Variants in EPHA6 observed in about 807,000 individuals in gnomAD.
The protein encoded by EPHA6 is EPH receptor A6.
In EPHA6, 50 loss-of-function variants were observed where a neutral mutation model predicts 112.0. The ratio of observed to expected loss-of-function variants is 0.45; its 90% CI spans 0.36 to 0.56. The LOEUF (loss-of-function observed/expected upper bound fraction) is 0.56. Among genes scored for constraint, EPHA6 ranks in the 20% least tolerant of loss-of-function variants. The probability of loss-of-function intolerance (pLI) is 0.00; values close to 1 mark genes in which losing one functional copy is unlikely to be tolerated. For synonymous variants in EPHA6, 529 were observed against 490.7 expected, an observed-to-expected ratio of 1.08 and a Z score of -1.03; for missense variants, 1,280 against 1,417.4, an observed-to-expected ratio of 0.90 and a Z score of 1.56.
At chr3:97,190,713 A>T (rs2077278485) in intron 3 of EPHA6, among the ~76,000 whole-genome samples, 2 of 151,980 alleles carry the variant, frequency 1.3e-5, no homozygotes, top group South Asian at 4.1e-4. Context: ...TCACATACTT[A>T]TTTTTTGTGG....
rs545924728 is a variant in EPHA6 at position 97,179,916 on chromosome 3, G to C, written c.1115-46348G>C. Among the ~76,000 whole-genome samples the C allele has an allele frequency of 6.6e-5, 10 of 152,100 alleles. No individual in the cohort carries two copies. In the East Asian group the frequency reaches 1.9e-3, roughly 30 times the overall value. On this transcript the variant is annotated intron_variant, in intron 3 of 17. Transcript: ENST00000389672. ...TTGGCTACTGCATGTGTTCACTCAA[G>C]ACCCTGGAGCTTTATAATCAGCAGG...
Position 97,095,453 on chromosome 3 carries a change from T to TA in EPHA6, c.1114+107468dup, listed in dbSNP as rs145834873. Among the ~76,000 whole-genome samples, 305 of 151,802 alleles carry TA rather than the reference T, an allele frequency of 2.0e-3. 1 individual carries two copies. Among genetic ancestry groups the TA allele is most frequent in the Middle Eastern group, 3.4e-3 (1 of 294 alleles). ...TACCCTAGAACTTCAAGTATAATGA[T>TA]AAAAAAAAGCATCCTGCTTTCTTTT... On this transcript the variant is annotated intron_variant, in intron 3 of 17. Transcript: ENST00000389672.
chr3:97,048,117 A>T (rs1213263184), intron 3 of EPHA6, among the ~76,000 whole-genome samples: 1 of 152,228 alleles, frequency 6.6e-6, no homozygotes, highest in African/African-American at 2.4e-5. Flanking sequence ...CAAACATAAC[A>T]TCTGCCCAAG....
chr3:96,818,544 C>T (rs921883397), intron 1 of EPHA6, among the ~76,000 whole-genome samples: 4 of 151,872 alleles, frequency 2.6e-5, no homozygotes, highest in Admixed American at 1.3e-4. Flanking sequence ...GAATCAACTG[C>T]ATAATCCACT....
chr3:97,325,236 TCAAA>T (rs2108798856), intron 5 of EPHA6, among the ~76,000 whole-genome samples: 1 of 152,254 alleles, frequency 6.6e-6, no homozygotes, highest in South Asian at 2.1e-4. Context: ...ACTATGTGGC[TCAAA>T]CAACAGAAAT....
rs1293314391 is a variant in EPHA6, at chr3:97,668,977, A to G, written c.2784+30895A>G. On this transcript the variant is annotated intron_variant, in intron 14 of 17. Coordinates refer to ENST00000389672, the MANE Select transcript of EPHA6 (RefSeq NM_001080448.3). The stretch of plus-strand genomic sequence containing the variant: ...AGTCAGCCAATGAAAATCCTTTTCT[A>G]ACATTCTGACATTCATTATGCTAAT... Among the ~76,000 whole-genome samples, 3 of 143,624 alleles carry G rather than the reference A, an allele frequency of 2.1e-5. No individual in the cohort carries two copies. In the Admixed American group the frequency reaches 2.2e-4, roughly 11 times the overall value. 94.2% of individuals were successfully genotyped at this position (143,624 alleles called of 152,430 possible).
At chr3:97,340,462 C>G (rs2083252924) in intron 5 of EPHA6, among the ~76,000 whole-genome samples, 1 of 152,186 alleles carries the variant, frequency 6.6e-6, no homozygotes, top group African/African-American at 2.4e-5. Context: ...CTTTTGCTCT[C>G]AGGCTTTTTC....
At chr3:97,399,901 T>C (rs1475599891) in intron 5 of EPHA6, among the ~76,000 whole-genome samples, 1 of 151,642 alleles carries the variant, frequency 6.6e-6, no homozygotes, top group Non-Finnish European at 1.5e-5. Context: ...TTTTTGACTC[T>C]TGATTGTTTT....
intron 3 of EPHA6, among the ~76,000 whole-genome samples, chr3:97,113,771 A>G (rs1284276566): frequency 6.6e-6 from 1 of 151,944 alleles, no homozygotes; most frequent in East Asian, 1.9e-4. Context: ...TGCATTTGTC[A>G]TTGTCATGTA....
At chr3:97,618,431 G>C (rs988352542) in intron 13 of EPHA6, among the ~76,000 whole-genome samples, 2 of 151,968 alleles carry the variant, frequency 1.3e-5, no homozygotes, top group African/African-American at 4.8e-5. Context: ...TAAGATCAGA[G>C]CTGGGCTACA....
chr3:97,681,823 C>T (rs1308460408), intron 14 of EPHA6, among the ~76,000 whole-genome samples: 1 of 152,032 alleles, frequency 6.6e-6, no homozygotes, highest in Admixed American at 6.6e-5. Context: ...GCATGATACT[C>T]ACTAAACTCA....
At chr3:97,640,273 A>T (rs1466717294) in intron 14 of EPHA6, among the ~76,000 whole-genome samples, 1 of 152,224 alleles carries the variant, frequency 6.6e-6, no homozygotes, top group Non-Finnish European at 1.5e-5. Context: ...AAGAAAAAAG[A>T]CATGGAAATG....
chr3:96,864,529 C>G (rs1285939780), intron 1 of EPHA6, among the ~76,000 whole-genome samples: 2 of 151,890 alleles, frequency 1.3e-5, no homozygotes, highest in Non-Finnish European at 2.9e-5. Flanking sequence ...TAGTGGTTAC[C>G]AGAGGATGGG....
In EPHA6 at chr3:97,165,875, T is replaced by TA. The variant is rs1004147021; in HGVS notation, c.1115-60383dup. On this transcript the variant is annotated intron_variant, in intron 3 of 17. Coordinates refer to ENST00000389672, the MANE Select transcript of EPHA6 (RefSeq NM_001080448.3). Reference sequence around the variant, plus strand: ...TGAAAGTCTAGTGTTAAGTATTCAATAAAAAATTGCATTGTGTCTTGTCCC... The same window carrying TA: ...TGAAAGTCTAGTGTTAAGTATTCAATAAAAAAATTGCATTGTGTCTTGTCCC... Among the ~76,000 whole-genome samples the TA allele has an allele frequency of 8.5e-5, 13 of 152,168 alleles. 1 individual carries two copies. The highest frequency in any genetic ancestry group is 2.9e-5 in the Non-Finnish European group (2 of 68,016).
intron 10 of EPHA6, among the ~76,000 whole-genome samples, chr3:97,528,038 A>C (rs1472606221): frequency 1.3e-5 from 2 of 152,130 alleles, no homozygotes; most frequent in East Asian, 3.8e-4. Context: ...ATAGAAAGGG[A>C]AGGAAAGATA....
chr3:97,375,836 A>G (rs1434189389), intron 5 of EPHA6, among the ~76,000 whole-genome samples: 1 of 152,156 alleles, frequency 6.6e-6, no homozygotes, highest in Non-Finnish European at 1.5e-5. Flanking sequence ...AAAGGACTAC[A>G]CACTCTATGA....
intron 2 of EPHA6, among the ~76,000 whole-genome samples, chr3:96,914,379 G>A (rs946358147): frequency 2.6e-5 from 4 of 151,970 alleles, no homozygotes; most frequent in African/African-American, 9.7e-5. Flanking sequence ...TTAGACAACC[G>A]TTAGTAAATA....
chr3:97,380,670 C>T (rs2109018461), intron 5 of EPHA6, among the ~76,000 whole-genome samples: 1 of 152,288 alleles, frequency 6.6e-6, no homozygotes, highest in East Asian at 1.9e-4. Context: ...GATTTTAATA[C>T]TCATATTGGC....
At chr3:97,672,340 C>T (rs139105916) in intron 14 of EPHA6, among the ~76,000 whole-genome samples, 1 of 152,102 alleles carries the variant, frequency 6.6e-6, no homozygotes, top group Admixed American at 6.6e-5. Context: ...TTTGTCTTCT[C>T]TTTGAAGTGT....
Sources: allele counts gnomAD v4.1 joint callset (sites outside exome capture counted in the v4.1 genomes callset), GRCh38; gene constraint gnomAD v4.1.1; transcripts MANE v1.5; gene names NCBI Gene and HGNC (gene_info 2026-07-23, HGNC 2026-07-21).